Variants in OSBPL1A observed in about 807,000 individuals in gnomAD.
OSBPL1A encodes oxysterol binding protein like 1A.
OSBPL1A carries 80 observed loss-of-function variants against 137.1 expected under a neutral mutation model. That is an observed-to-expected ratio of 0.58 (90% confidence interval 0.49 to 0.70). OSBPL1A has a LOEUF of 0.70. Ranked by LOEUF, OSBPL1A falls within the 30% of genes least tolerant of loss-of-function variation. The pLI is 0.00. For synonymous variants in OSBPL1A, 365 were observed against 389.7 expected, an observed-to-expected ratio of 0.94 and a Z score of 0.75; for missense variants, 970 against 1,129.4, an observed-to-expected ratio of 0.86 and a Z score of 2.02.
chr18:24,229,375 GAAATAAAAACT>G (rs750424981), intron 16 of OSBPL1A, among the ~76,000 whole-genome samples: 5 of 152,226 alleles, frequency 3.3e-5, no homozygotes, highest in Admixed American at 1.3e-4. Flanking sequence ...CAGTGCCTGT[GAAATAAAAACT>G]AGTTGCTTAA....
intron 24 of OSBPL1A, among the ~76,000 whole-genome samples, chr18:24,168,122 A>G (rs955258265): frequency 6.6e-6 from 1 of 152,190 alleles, no homozygotes; most frequent in African/African-American, 2.4e-5. Context: ...TATTTTTGAG[A>G]TAGGGTCTTG....
At chr18:24,285,550 A>G (rs1456878496) in intron 14 of OSBPL1A, among the ~76,000 whole-genome samples, 1 of 152,216 alleles carries the variant, frequency 6.6e-6, no homozygotes. Context: ...TAACTGAAAT[A>G]TTTCCATCAT....
chr18:24,250,769 T>G (rs547529836), intron 15 of OSBPL1A, among the ~76,000 whole-genome samples: 47 of 152,308 alleles, frequency 3.1e-4, no homozygotes, highest in Non-Finnish European at 5.3e-4. Context: ...AGTACCAGCT[T>G]GGCCACAGTG....
intron 17 of OSBPL1A, among the ~76,000 whole-genome samples, chr18:24,201,074 A>G (rs2145952896): frequency 6.8e-6 from 1 of 147,568 alleles, no homozygotes; most frequent in African/African-American, 2.5e-5. Context: ...CTCTCGGTGG[A>G]GTTTATCTGA....
chr18:24,315,071 A>G (rs2146117296), intron 11 of OSBPL1A, among the ~76,000 whole-genome samples: 1 of 152,294 alleles, frequency 6.6e-6, no homozygotes, highest in Admixed American at 6.5e-5. Flanking sequence ...AACCACATGG[A>G]GGAACCTGGA....
chr18:24,206,926 G>C (rs1171167617), intron 17 of OSBPL1A, among the ~76,000 whole-genome samples: 1 of 152,124 alleles, frequency 6.6e-6, no homozygotes, highest in African/African-American at 2.4e-5. Context: ...TAGAGACTAT[G>C]TCTTATTCTC....
At chr18:24,334,215 T>C (rs368300200) in intron 6 of OSBPL1A, 30 bp downstream of exon 6, 1 of 1,562,328 alleles carries the variant, frequency 6.4e-7, no homozygotes, top group African/African-American at 1.4e-5. Flanking sequence ...GACTGCTTTT[T>C]GTCTTTTGGG....
intron 27 of OSBPL1A, among the ~76,000 whole-genome samples, chr18:24,164,013 A>G (rs542946223): frequency 3.9e-5 from 6 of 152,268 alleles, no homozygotes; most frequent in African/African-American, 1.2e-4. Context: ...TACAGGTGTG[A>G]GCCACCGCAC....
intron 15 of OSBPL1A, among the ~76,000 whole-genome samples, chr18:24,246,012 C>T (rs2088870243): frequency 1.3e-5 from 2 of 151,984 alleles, no homozygotes; most frequent in African/African-American, 4.8e-5. Context: ...GAGTTCAAGA[C>T]CAGCCTGACC....
intron 11 of OSBPL1A, 148 bp from the exon 12 acceptor site, chr18:24,314,495 T>A (rs1030005016): frequency 4.2e-5 from 22 of 528,520 alleles, no homozygotes; most frequent in Non-Finnish European, 7.3e-5. Context: ...TGGAAAAAAA[T>A]AGATTACAGT....
chr18:24,206,898 G>A (rs1015440322), intron 17 of OSBPL1A, among the ~76,000 whole-genome samples: 6 of 151,986 alleles, frequency 3.9e-5, no homozygotes, highest in Admixed American at 1.3e-4. Flanking sequence ...ATCCCCCTCC[G>A]CTCTGAGACT....
chr18:24,281,379 C>T (rs146272035), intron 14 of OSBPL1A, among the ~76,000 whole-genome samples: 183 of 149,788 alleles, frequency 1.2e-3, no homozygotes, highest in East Asian at 9.0e-3. Flanking sequence ...TCACCGCGCC[C>T]GGCTTTTTTT....
intron 15 of OSBPL1A, among the ~76,000 whole-genome samples, chr18:24,247,425 G>C (rs1206343838): frequency 6.6e-6 from 1 of 152,176 alleles, no homozygotes; most frequent in Admixed American, 6.5e-5. Context: ...AGATAAGAGA[G>C]AGTGAGTACA....
intron 4 of OSBPL1A, among the ~76,000 whole-genome samples, chr18:24,348,087 A>T (rs970441514): frequency 6.6e-6 from 1 of 152,164 alleles, no homozygotes; most frequent in East Asian, 1.9e-4. Context: ...GTAAGTTTGA[A>T]TCCAATGCCC....
chr18:24,258,925 CTTTTTT>C (rs543867145), intron 15 of OSBPL1A, among the ~76,000 whole-genome samples: 3 of 92,726 alleles, frequency 3.2e-5, no homozygotes, highest in Non-Finnish European at 4.1e-5. Context: ...AAAATTACAT[CTTTTTT>C]TTTTTTTTTT....
intron 17 of OSBPL1A, among the ~76,000 whole-genome samples, chr18:24,217,265 T>C (rs1342198539): frequency 6.6e-6 from 1 of 150,998 alleles, no homozygotes; most frequent in Non-Finnish European, 1.5e-5. Flanking sequence ...GCTCTTTTTT[T>C]TTTTTTTTTT....
intron 13 of OSBPL1A, among the ~76,000 whole-genome samples, chr18:24,304,510 T>A (rs945306510): frequency 6.6e-6 from 1 of 152,204 alleles, no homozygotes; most frequent in Non-Finnish European, 1.5e-5. Context: ...AAAATTATTA[T>A]TGTAAATTTG....
At chr18:24,210,437 C>T (rs975357666) in intron 17 of OSBPL1A, among the ~76,000 whole-genome samples, 29 of 150,456 alleles carry the variant, frequency 1.9e-4, no homozygotes, top group African/African-American at 6.8e-4. Context: ...GACTCCATCT[C>T]AAAAACAAAA....
chr18:24,382,080 C>G (rs1455272796), intron 1 of OSBPL1A, among the ~76,000 whole-genome samples: 1 of 151,454 alleles, frequency 6.6e-6, no homozygotes, highest in Non-Finnish European at 1.5e-5. Flanking sequence ...ATGGTGAGAC[C>G]CTATATCTAT....
Sources: gnomAD v4.1 joint callset for allele counts (sites outside exome capture counted in the v4.1 genomes callset) on GRCh38, gnomAD v4.1.1 for gene constraint, MANE v1.5 for transcripts, NCBI Gene and HGNC (gene_info 2026-07-23, HGNC 2026-07-21) for gene names.